The following RPRD1B variants were observed in gnomAD, a reference collection of about 807,000 sequenced individuals.
The protein encoded by RPRD1B is regulation of nuclear pre-mRNA domain containing 1B.
A neutral mutation model predicts 41.5 loss-of-function variants in RPRD1B; 11 were observed. The observed-to-expected ratio is 0.27, with a 90% confidence interval of 0.17 to 0.44. The LOEUF (loss-of-function observed/expected upper bound fraction) is 0.44, where lower values mean the gene tolerates loss of function less well. Ranked by LOEUF, RPRD1B falls within the 20% of genes least tolerant of loss-of-function variation. The pLI is 1.00. For synonymous variants in RPRD1B, 158 were observed against 155.6 expected (o/e 1.02, Z -0.12); for missense variants, 248 against 389.9 (o/e 0.64, Z 3.06).
At chr20:38,079,459 T>C (rs974317672) in intron 6 of RPRD1B, among the ~76,000 whole-genome samples, 5 of 152,170 alleles carry the variant, frequency 3.3e-5, no homozygotes, top group African/African-American at 1.2e-4. Flanking sequence ...TTCCCTTCTT[T>C]GAGTTCATGT....
rs2074603470 is a variant in RPRD1B, at chr20:38,090,494, A to G, written c.*619A>G. ...AAACAGATTGGAGAATCTAGCAATA[A>G]GATTCAAAGCTAATCTGGAGCATAA... On this transcript the variant is annotated 3_prime_UTR_variant, in exon 7 of 7. Coordinates refer to ENST00000373433, the MANE Select transcript of RPRD1B (RefSeq NM_021215.4). 1.0e-6 allele frequency: 1 copy of G among 985,872 alleles called. No homozygotes were observed. Among genetic ancestry groups the G allele is most frequent in the Non-Finnish European group, 1.2e-6 (1 of 830,000 alleles). 61.1% of individuals were successfully genotyped at this position (985,872 alleles called of 1,614,324 possible).
At chr20:38,072,888 C>CA (rs1468663224) in intron 6 of RPRD1B, among the ~76,000 whole-genome samples, 1 of 152,134 alleles carries the variant, frequency 6.6e-6, no homozygotes, top group African/African-American at 2.4e-5. Flanking sequence ...AGCAGCTTTA[C>CA]AAAGTAAAGT....
intron 5 of RPRD1B, among the ~76,000 whole-genome samples, chr20:38,061,432 C>G (rs376661427): frequency 6.6e-6 from 1 of 152,062 alleles, no homozygotes. Flanking sequence ...CATGGACATG[C>G]TATTTTCTAA....
intron 6 of RPRD1B, among the ~76,000 whole-genome samples, chr20:38,087,051 G>C (rs138327575): frequency 0.021 from 3,231 of 151,194 alleles, 98 homozygotes; most frequent in African/African-American, 0.074. Flanking sequence ...CTGCCCCGCC[G>C]GGTTCAAGCA....
At chr20:38,085,839 CTTTTTT>C (rs774430421) in intron 6 of RPRD1B, among the ~76,000 whole-genome samples, 1 of 124,998 alleles carries the variant, frequency 8.0e-6, no homozygotes, top group Non-Finnish European at 1.7e-5. Context: ...TGGAGTCAGT[CTTTTTT>C]TTTTTTTTTT....
intron 6 of RPRD1B, among the ~76,000 whole-genome samples, chr20:38,079,112 A>G (rs2074490790): frequency 6.6e-6 from 1 of 152,164 alleles, no homozygotes; most frequent in African/African-American, 2.4e-5. Flanking sequence ...CAGTTTAGCA[A>G]GTGCCTGTTC....
intron 1 of RPRD1B, among the ~76,000 whole-genome samples, chr20:38,035,070 A>G (rs1016740759): frequency 3.3e-5 from 5 of 152,208 alleles, no homozygotes; most frequent in African/African-American, 1.2e-4. Context: ...AAGAGGAAAA[A>G]CTGAGACTCA....
In RPRD1B at chr20:38,091,637, C is replaced by T. The variant is rs1046163017; in HGVS notation, c.*1762C>T. 2.0e-5 allele frequency: 20 copies of T among 985,568 alleles called. No homozygotes were observed. In the African/African-American group the frequency reaches 3.0e-4, roughly 15 times the overall value. 61.1% of individuals were successfully genotyped at this position (985,568 alleles called of 1,614,324 possible). A position where few individuals can be genotyped will look rare whatever the true frequency, so the allele number is the denominator to read the frequency against. Reference sequence around the variant, plus strand: ...CTGCTGCACTCCCCAACCTCTCCCCCACCCCCCGTGGTGTGCTGCTTTCTA... The same window carrying T: ...CTGCTGCACTCCCCAACCTCTCCCCTACCCCCCGTGGTGTGCTGCTTTCTA... On this transcript the variant is annotated 3_prime_UTR_variant, in exon 7 of 7. Transcript: ENST00000373433.
chr20:38,057,283 G>C (rs1438130560), intron 3 of RPRD1B, among the ~76,000 whole-genome samples: 1 of 152,164 alleles, frequency 6.6e-6, no homozygotes, highest in East Asian at 1.9e-4. Flanking sequence ...TTTCGCTTTA[G>C]ATGCCTGTTT....
rs2074237651 is a variant in RPRD1B, at chr20:38,056,104, TG to T, written c.416-1426del. ...AGAATCATTAAGAAGAAGTGAAACT[TG>T]GCCAGGCGTGATGGCTCACACCTGT... On this transcript the variant is annotated intron_variant, in intron 3 of 6. Coordinates refer to ENST00000373433, the MANE Select transcript of RPRD1B (RefSeq NM_021215.4). 2.0e-5 allele frequency among the ~76,000 whole-genome samples: 3 copies of T among 152,252 alleles called. No individual in the cohort carries two copies. In the South Asian group the frequency reaches 6.2e-4, roughly 32 times the overall value.
At chr20:38,034,305 T>TG (rs1162955639) in intron 1 of RPRD1B, among the ~76,000 whole-genome samples, 1 of 152,260 alleles carries the variant, frequency 6.6e-6, no homozygotes, top group Non-Finnish European at 1.5e-5. Flanking sequence ...GTCCACGGAC[T>TG]GGGACTCAGG....
intron 2 of RPRD1B, among the ~76,000 whole-genome samples, chr20:38,043,738 G>C (rs919589366): frequency 2.0e-5 from 3 of 152,200 alleles, no homozygotes; most frequent in Non-Finnish European, 2.9e-5. Context: ...GGAGCTGGTA[G>C]TAAGTGAAAA....
chr20:38,064,756 G>A (rs2074335645), intron 5 of RPRD1B, among the ~76,000 whole-genome samples: 1 of 152,084 alleles, frequency 6.6e-6, no homozygotes, highest in Non-Finnish European at 1.5e-5. Flanking sequence ...GGTAGCTAAT[G>A]ACCAACAGTT....
intron 6 of RPRD1B, chr20:38,070,093 A>G: frequency 1.7e-6 from 1 of 573,776 alleles, no homozygotes; most frequent in Non-Finnish European, 2.2e-6. Flanking sequence ...TAGTACGGAA[A>G]GGTAACCATT....
chr20:38,038,496 T>TTTG (rs1191702391), intron 1 of RPRD1B, among the ~76,000 whole-genome samples: 12,276 of 112,584 alleles, frequency 0.11, 434 homozygotes, highest in South Asian at 0.19. Flanking sequence ...TTTTGTTTTT[T>TTTG]TTTTTTTTTT....
chr20:38,048,656 G>A (rs970772694), intron 3 of RPRD1B, 175 bp downstream of exon 3: 1 of 914,752 alleles, frequency 1.1e-6, no homozygotes, highest in Non-Finnish European at 1.3e-6. Flanking sequence ...TGTAAGCCTG[G>A]TTCTAGTATT....
chr20:38,078,166 CAAAA>C (rs1166192655), intron 6 of RPRD1B, among the ~76,000 whole-genome samples: 1 of 109,934 alleles, frequency 9.1e-6, no homozygotes. Context: ...CAGGCTGTCT[CAAAA>C]AAAAAAAAAA....
At chr20:38,087,438 G>A (rs2074572320) in intron 6 of RPRD1B, among the ~76,000 whole-genome samples, 1 of 152,132 alleles carries the variant, frequency 6.6e-6, no homozygotes, top group Non-Finnish European at 1.5e-5. Flanking sequence ...AGACTTGGTG[G>A]TTTTCAAATT....
chr20:38,049,814 G>C (rs764977646), intron 3 of RPRD1B: 28 of 471,036 alleles, frequency 5.9e-5, no homozygotes, highest in South Asian at 4.3e-4. Flanking sequence ...TCGAGTCCAA[G>C]TACTGATAGT....
Sources: allele counts gnomAD v4.1 joint callset (sites outside exome capture counted in the v4.1 genomes callset), GRCh38; gene constraint gnomAD v4.1.1; transcripts MANE v1.5; gene names NCBI Gene and HGNC (gene_info 2026-07-23, HGNC 2026-07-21).